SH3GL2: variants seen among roughly 807,000 people sequenced by gnomAD.
SH3GL2 encodes the protein endophilin-A1.
In SH3GL2, 24 loss-of-function variants were observed where a neutral mutation model predicts 46.0. The observed-to-expected ratio is 0.52, with a 90% CI of 0.38 to 0.73. The LOEUF is 0.73. SH3GL2 is among the 30% of genes least tolerant of loss of function. The pLI, the probability that SH3GL2 is intolerant of heterozygous loss-of-function variation, is 0.00. For missense variants in SH3GL2, 413 were observed against 424.2 expected (o/e 0.97, Z 0.23); for synonymous variants, 196 against 147.1 (o/e 1.33, Z -2.40).
intron 1 of SH3GL2, among the ~76,000 whole-genome samples, chr9:17,713,835 A>G (rs184447524): frequency 3.3e-5 from 5 of 151,854 alleles, no homozygotes; most frequent in Admixed American, 1.3e-4. Context: ...TGTACACTTC[A>G]GAATAATTTA....
chr9:17,751,889 T>A (rs2209424), intron 2 of SH3GL2, among the ~76,000 whole-genome samples: 1 of 151,976 alleles, frequency 6.6e-6, no homozygotes, highest in African/African-American at 2.4e-5. Context: ...GGGCCAGAGC[T>A]CCAAACAAGA....
At chr9:17,580,883 C>T (rs60403779) in intron 1 of SH3GL2, among the ~76,000 whole-genome samples, 2 of 152,032 alleles carry the variant, frequency 1.3e-5, no homozygotes, top group East Asian at 1.9e-4. Flanking sequence ...ATTTCTTTTG[C>T]AAAGCTTAGT....
chr9:17,757,758 T>C (rs1485875790), intron 2 of SH3GL2, among the ~76,000 whole-genome samples: 4 of 152,216 alleles, frequency 2.6e-5, no homozygotes, highest in Non-Finnish European at 4.4e-5. Flanking sequence ...TTATGGGAAT[T>C]GCTAGTTATA....
intron 1 of SH3GL2, among the ~76,000 whole-genome samples, chr9:17,664,850 A>G (rs1233309618): frequency 6.6e-6 from 1 of 151,738 alleles, no homozygotes; most frequent in African/African-American, 2.4e-5. Context: ...GGACAGTGAC[A>G]TTTTAGAGGA....
intron 1 of SH3GL2, among the ~76,000 whole-genome samples, chr9:17,640,633 G>C (rs1398773823): frequency 6.6e-6 from 1 of 152,182 alleles, no homozygotes; most frequent in Non-Finnish European, 1.5e-5. Flanking sequence ...AGATGTAGCA[G>C]ACAGCATATG....
At chr9:17,663,408 T>C (rs1276025804) in intron 1 of SH3GL2, among the ~76,000 whole-genome samples, 1 of 152,234 alleles carries the variant, frequency 6.6e-6, no homozygotes, top group African/African-American at 2.4e-5. Context: ...TTATTTTCCC[T>C]CTACTGGTTT....
intron 1 of SH3GL2, among the ~76,000 whole-genome samples, chr9:17,612,710 T>C (rs1214341985): frequency 6.6e-6 from 1 of 152,210 alleles, no homozygotes; most frequent in African/African-American, 2.4e-5. Context: ...AAGTGTACTG[T>C]TTAAACCACT....
At chr9:17,671,940 G>A (rs1226539310) in intron 1 of SH3GL2, among the ~76,000 whole-genome samples, 1 of 152,132 alleles carries the variant, frequency 6.6e-6, no homozygotes, top group Non-Finnish European at 1.5e-5. Flanking sequence ...AACAAAGATT[G>A]TACTCATACC....
At chr9:17,681,968 G>C (rs1820781190) in intron 1 of SH3GL2, among the ~76,000 whole-genome samples, 1 of 152,018 alleles carries the variant, frequency 6.6e-6, no homozygotes, top group Non-Finnish European at 1.5e-5. Context: ...AAAAAAAGCT[G>C]AACATCAGTG....
chr9:17,637,988 C>G (rs934895625), intron 1 of SH3GL2, among the ~76,000 whole-genome samples: 1 of 152,012 alleles, frequency 6.6e-6, no homozygotes, highest in Non-Finnish European at 1.5e-5. Context: ...AACCCCGTCT[C>G]TACTAAAAAT....
intron 1 of SH3GL2, among the ~76,000 whole-genome samples, chr9:17,695,471 T>G (rs1821179430): frequency 6.6e-6 from 1 of 152,090 alleles, no homozygotes; most frequent in Non-Finnish European, 1.5e-5. Context: ...TTTCCCTGAG[T>G]CAGTAAGGTT....
intron 1 of SH3GL2, among the ~76,000 whole-genome samples, chr9:17,581,927 G>C (rs1289912983): frequency 6.6e-6 from 1 of 152,146 alleles, no homozygotes; most frequent in South Asian, 2.1e-4. Flanking sequence ...TCGAACTCCT[G>C]ACCTCAGGTG....
In SH3GL2 at chr9:17,600,313, A is replaced by G. The variant is rs1367698504; in HGVS notation, c.45+21026A>G. 3.3e-5 allele frequency among the ~76,000 whole-genome samples: 5 copies of G among 152,200 alleles called. No homozygotes were observed. The East Asian group carries it at 9.6e-4, about 29-fold the overall frequency. ...TAAATGTCCTATGTTCTTCAGCCTT[A>G]AAAGGTAGGAGAAACTAAGACAAAG... On this transcript the variant is annotated intron_variant, in intron 1 of 8. Transcript: ENST00000380607.
chr9:17,734,855 T>G (rs971593826), intron 1 of SH3GL2, among the ~76,000 whole-genome samples: 1 of 152,090 alleles, frequency 6.6e-6, no homozygotes, highest in African/African-American at 2.4e-5. Flanking sequence ...TTTGGTATGA[T>G]GAAAGCAGTG....
chr9:17,614,827 C>T (rs1818948711), intron 1 of SH3GL2, among the ~76,000 whole-genome samples: 1 of 152,134 alleles, frequency 6.6e-6, no homozygotes, highest in Non-Finnish European at 1.5e-5. Flanking sequence ...TTTAAAGGGG[C>T]AGATGTTACA....
chr9:17,650,653 G>A (rs1177146507), intron 1 of SH3GL2, among the ~76,000 whole-genome samples: 2 of 152,158 alleles, frequency 1.3e-5, no homozygotes, highest in Admixed American at 6.5e-5. Context: ...CACCACGCTC[G>A]GCCTTGTCTT....
intron 6 of SH3GL2, among the ~76,000 whole-genome samples, chr9:17,790,583 C>T (rs1824099383): frequency 6.6e-6 from 1 of 152,158 alleles, no homozygotes. Context: ...AGCACCCCTC[C>T]CCATCCCCAA....
intron 3 of SH3GL2, among the ~76,000 whole-genome samples, chr9:17,762,180 G>A (rs140261953): frequency 1.3e-5 from 2 of 152,282 alleles, no homozygotes; most frequent in African/African-American, 4.8e-5. Context: ...TACCATTCCT[G>A]TGTGTCAGTT....
intron 1 of SH3GL2, among the ~76,000 whole-genome samples, chr9:17,695,901 T>C (rs1027359418): frequency 6.6e-6 from 1 of 152,134 alleles, no homozygotes; most frequent in Admixed American, 6.5e-5. Flanking sequence ...CCTTAGTAAG[T>C]CATAGAGGCC....
Sources: allele counts gnomAD v4.1 joint callset (sites outside exome capture counted in the v4.1 genomes callset), GRCh38; gene constraint gnomAD v4.1.1; transcripts MANE v1.5; gene names NCBI Gene and HGNC (gene_info 2026-07-23, HGNC 2026-07-21).